RAD54B: variants seen among roughly 807,000 people sequenced by gnomAD.
RAD54B encodes the protein RAD54 homolog B.
In RAD54B, 78 loss-of-function variants were observed where a neutral mutation model predicts 95.8. The ratio of observed to expected loss-of-function variants is 0.81; its 90% CI spans 0.68 to 0.98. The LOEUF is 0.98. Among genes scored for constraint, RAD54B ranks in the 50% least tolerant of loss-of-function variants. The pLI is 0.00. For missense variants in RAD54B, 957 were observed against 1,056.6 expected, an observed-to-expected ratio of 0.91 and a Z score of 1.31; for synonymous variants, 328 against 354.9, an observed-to-expected ratio of 0.92 and a Z score of 0.85.
In RAD54B at chr8:94,467,405, C is replaced by G. The variant is rs755562491; in HGVS notation, c.135G>C (p.Glu45Asp). 1.9e-6 allele frequency: 3 copies of G among 1,597,748 alleles called. No homozygotes were observed. The highest frequency in any genetic ancestry group is 2.2e-5 in the East Asian group (1 of 44,732). ...TKLNPDIKLF[E>D]GVAINNTFLP... Reference sequence around the variant, plus strand: ...TATCATGAGTCTTTTTTTGCCTTACCTCAAATAATTTTATATCTGGATTCA... The same window carrying G: ...TATCATGAGTCTTTTTTTGCCTTACGTCAAATAATTTTATATCTGGATTCA... The change falls in exon 2 of 15, where the codon GAG (glutamate) becomes GAC (aspartate). Residue 45 changes from glutamate (E) to aspartate (D), a missense_variant and splice_region_variant. Glu to Asp is a conservative substitution (Grantham distance 45). Transcript: ENST00000336148.
chr8:94,413,241 C>T (rs187821366), intron 3 of RAD54B, among the ~76,000 whole-genome samples: 3 of 152,158 alleles, frequency 2.0e-5, no homozygotes, highest in East Asian at 3.9e-4. Flanking sequence ...ATAAAAGTAA[C>T]GTAGACTAAC....
chr8:94,431,953 C>A, intron 3 of RAD54B: 1 of 1,281,016 alleles, frequency 7.8e-7, no homozygotes, highest in Non-Finnish European at 9.9e-7. Context: ...CCATGCCAAC[C>A]AACCAGTAAA....
chr8:94,414,892 C>G (rs994314618), intron 3 of RAD54B, among the ~76,000 whole-genome samples: 2 of 152,156 alleles, frequency 1.3e-5, no homozygotes, highest in African/African-American at 4.8e-5. Context: ...GAAGAACATT[C>G]CATGCTCATG....
At chr8:94,383,074 G>A (rs1586121926) in intron 11 of RAD54B, among the ~76,000 whole-genome samples, 2 of 151,910 alleles carry the variant, frequency 1.3e-5, no homozygotes, top group African/African-American at 4.8e-5. Context: ...AGGGGGGTGG[G>A]TCACCTGAGG....
intron 11 of RAD54B, among the ~76,000 whole-genome samples, chr8:94,385,489 A>G (rs966742825): frequency 5.9e-5 from 9 of 152,244 alleles, no homozygotes; most frequent in African/African-American, 2.2e-4. Flanking sequence ...ATATTATCTA[A>G]TAAAACATGT....
At position 94,431,556 on chromosome 8, in the gene RAD54B, C is replaced by T. The variant is rs555973745; in HGVS notation, c.305-20241G>A. ...CTGGTCTCTGCTCTGCCATAAATAG[C>T]TTTGTTACCCTAAGTAAGTCATTGA... On this transcript the variant is annotated intron_variant, in intron 3 of 14. Transcript: ENST00000336148. 16 of 952,046 alleles carry T rather than the reference C, an allele frequency of 1.7e-5. No individual in the cohort carries two copies. In the African/African-American group the frequency reaches 2.8e-4, roughly 17 times the overall value. 59.0% of individuals were successfully genotyped at this position (952,046 alleles called of 1,614,324 possible).
intron 3 of RAD54B, among the ~76,000 whole-genome samples, chr8:94,426,743 A>T (rs1267406147): frequency 6.6e-6 from 1 of 152,178 alleles, no homozygotes; most frequent in Non-Finnish European, 1.5e-5. Flanking sequence ...TTCTGAGGTG[A>T]TATTGTTCTA....
intron 3 of RAD54B, among the ~76,000 whole-genome samples, chr8:94,452,669 T>C (rs1406807478): frequency 6.6e-6 from 1 of 152,064 alleles, no homozygotes; most frequent in Non-Finnish European, 1.5e-5. Flanking sequence ...AGCTAATTTT[T>C]TGCATTTTTA....
chr8:94,404,165 C>T lies in RAD54B; in HGVS notation c.856G>A (p.Val286Ile). ...FNKNCFPLVD[V>I]VIDPYLVYHL... is the part of the protein sequence containing the mutation. ...TATACAAGGTAAGGATCAATCACTA[C>T]ATCCACAAGAGGGAAACAGTTCTTA... The change falls in exon 6 of 15, where the codon GTA becomes ATA. Residue 286 changes from valine (V) to isoleucine (I), a missense_variant. Val to Ile is a conservative substitution (Grantham distance 29). Transcript: ENST00000336148. 6.2e-7 allele frequency: 1 copy of T among 1,611,270 alleles called. No individual in the cohort carries two copies. Among genetic ancestry groups the T allele is most frequent in the Non-Finnish European group, 8.5e-7 (1 of 1,177,866 alleles).
At chr8:94,403,998 A>G (rs1811321551) in intron 6 of RAD54B, 79 bp downstream of exon 6, 3 of 1,163,510 alleles carry the variant, frequency 2.6e-6, no homozygotes. Flanking sequence ...TTATATTAGG[A>G]TCTTCTTAGA....
chr8:94,399,142 C>T lies in RAD54B; in HGVS notation c.1378+272G>A, dbSNP rs755224336. ...CCAAGTTGTACAGCTATGTCAGACT[C>T]GGGAACCAAGCACAAGCAATCCAGT... On this transcript the variant is annotated intron_variant, in intron 8 of 14. Coordinates refer to ENST00000336148, the MANE Select transcript of RAD54B (RefSeq NM_012415.3). 4.6e-5 allele frequency among the ~76,000 whole-genome samples: 7 copies of T among 152,166 alleles called. No homozygotes were observed. The South Asian group carries it at 1.2e-3, about 27-fold the overall frequency.
At chr8:94,471,621 G>C (rs770124237) in intron 1 of RAD54B, among the ~76,000 whole-genome samples, 1 of 151,836 alleles carries the variant, frequency 6.6e-6, no homozygotes, top group African/African-American at 2.4e-5. Context: ...ATACACAATC[G>C]TTTTTTAAAA....
At chr8:94,425,169 T>C (rs1210959454) in intron 3 of RAD54B, among the ~76,000 whole-genome samples, 1 of 151,148 alleles carries the variant, frequency 6.6e-6, no homozygotes, top group Non-Finnish European at 1.5e-5. Flanking sequence ...TTCCTAAGCA[T>C]AGCCACTCTG....
chr8:94,463,089 T>C (rs1011968597), intron 2 of RAD54B, among the ~76,000 whole-genome samples: 16 of 151,938 alleles, frequency 1.1e-4, no homozygotes, highest in African/African-American at 1.9e-4. Context: ...GACAGGAGAA[T>C]TGCTTGAACC....
At chr8:94,381,744 A>G (rs1341563106) in intron 11 of RAD54B, among the ~76,000 whole-genome samples, 2 of 152,060 alleles carry the variant, frequency 1.3e-5, no homozygotes, top group Non-Finnish European at 2.9e-5. Flanking sequence ...AATAGGAGAG[A>G]AAAAAAAGAA....
At chr8:94,413,326 C>G (rs1580498) in intron 3 of RAD54B, among the ~76,000 whole-genome samples, 67,517 of 152,050 alleles carry the variant, frequency 0.44, 17,085 homozygotes, top group Non-Finnish European at 0.59. Context: ...TTGGTACTGC[C>G]CTTCCTCTCC....
chr8:94,417,675 A>G (rs904024398), intron 3 of RAD54B, among the ~76,000 whole-genome samples: 2 of 152,088 alleles, frequency 1.3e-5, no homozygotes, highest in Non-Finnish European at 2.9e-5. Flanking sequence ...TAAAAGAAGA[A>G]GAAGAAGAAA....
intron 11 of RAD54B, among the ~76,000 whole-genome samples, chr8:94,383,802 A>T (rs1810800514): frequency 6.6e-6 from 1 of 152,210 alleles, no homozygotes; most frequent in South Asian, 2.1e-4. Flanking sequence ...CATTAGAGAA[A>T]TGCAAATCAA....
intron 3 of RAD54B, among the ~76,000 whole-genome samples, chr8:94,442,788 A>ACC (rs1812433793): frequency 6.6e-6 from 1 of 152,180 alleles, no homozygotes; most frequent in African/African-American, 2.4e-5. Context: ...AACTCATTAT[A>ACC]CCAAAAGGAA....
Sources: allele counts gnomAD v4.1 joint callset (sites outside exome capture counted in the v4.1 genomes callset), GRCh38; gene constraint gnomAD v4.1.1; transcripts MANE v1.5; gene names NCBI Gene and HGNC (gene_info 2026-07-23, HGNC 2026-07-21).